The following PIK3CA variants were observed in gnomAD, a reference collection of about 807,000 sequenced individuals.
PIK3CA encodes phosphatidylinositol 4,5-bisphosphate 3-kinase catalytic subunit alpha isoform.
PIK3CA carries 27 observed loss-of-function variants against 138.2 expected under a neutral mutation model. That is an observed-to-expected ratio of 0.20 (90% CI 0.14 to 0.27). The LOEUF is 0.27. Ranked by LOEUF, PIK3CA falls within the 10% of genes least tolerant of loss-of-function variation. The pLI is 1.00. For missense variants in PIK3CA, 544 were observed against 1,277.4 expected (o/e 0.43, Z 8.75); for synonymous variants, 358 against 413.2 (o/e 0.87, Z 1.62).
chr3:179,186,690 G>A (rs565115563), intron 1 of PIK3CA, among the ~76,000 whole-genome samples: 5 of 152,282 alleles, frequency 3.3e-5, no homozygotes, highest in East Asian at 1.9e-4. Flanking sequence ...TATAGGTTTG[G>A]TTATAAACTT....
chr3:179,228,644 A>G (rs1271529536), intron 17 of PIK3CA, among the ~76,000 whole-genome samples: 1 of 152,094 alleles, frequency 6.6e-6, no homozygotes, highest in Non-Finnish European at 1.5e-5. Context: ...GCTGGGTACT[A>G]TGAAGCCAGA....
intron 18 of PIK3CA, 100 bp downstream of exon 18, chr3:179,229,542 T>G (rs192938382): frequency 2.6e-6 from 2 of 775,342 alleles, no homozygotes; most frequent in African/African-American, 3.5e-5. Flanking sequence ...GAGAAAACAA[T>G]TGTACTTTCT....
chr3:179,227,313 T>C (rs900579052), intron 17 of PIK3CA, among the ~76,000 whole-genome samples: 8 of 152,088 alleles, frequency 5.3e-5, no homozygotes, highest in Non-Finnish European at 1.2e-4. Context: ...GCTTCTTTTT[T>C]TTAATAACAA....
intron 1 of PIK3CA, among the ~76,000 whole-genome samples, chr3:179,188,699 TAAG>T (rs1486447613): frequency 1.3e-5 from 2 of 152,174 alleles, no homozygotes; most frequent in Non-Finnish European, 2.9e-5. Flanking sequence ...AATAATTAAA[TAAG>T]AAAAATATTT....
chr3:179,150,170 C>CGTGTGT (rs35995073), intron 1 of PIK3CA, among the ~76,000 whole-genome samples: 7,615 of 147,090 alleles, frequency 0.052, 268 homozygotes, highest in African/African-American at 0.092. Context: ...TGTGTGTTTA[C>CGTGTGT]GTGTGTGTGT....
At chr3:179,150,170 C>CGTGTGTGTGTGT (rs35995073) in intron 1 of PIK3CA, among the ~76,000 whole-genome samples, 2,227 of 147,120 alleles carry the variant, frequency 0.015, 25 homozygotes, top group East Asian at 0.053. Context: ...TGTGTGTTTA[C>CGTGTGTGTGTGT]GTGTGTGTGT....
At chr3:179,217,591 A>C (rs1724866017) in intron 9 of PIK3CA, among the ~76,000 whole-genome samples, 1 of 152,060 alleles carries the variant, frequency 6.6e-6, no homozygotes, top group Non-Finnish European at 1.5e-5. Context: ...ATATGTACTC[A>C]TTATTCATTA....
At chr3:179,157,145 TG>T (rs2108351549) in intron 1 of PIK3CA, among the ~76,000 whole-genome samples, 1 of 152,298 alleles carries the variant, frequency 6.6e-6, no homozygotes, top group South Asian at 2.1e-4. Flanking sequence ...AATTACATTT[TG>T]GAACCCTAAC....
chr3:179,148,767 C>T (rs1430392126), intron 1 of PIK3CA, among the ~76,000 whole-genome samples, 164 bp downstream of exon 1: 1 of 152,128 alleles, frequency 6.6e-6, no homozygotes, highest in Non-Finnish European at 1.5e-5. Context: ...CGCACCCTCT[C>T]CCTCGCCTGC....
At position 179,235,152 on chromosome 3, in the gene PIK3CA, T is replaced by A. The variant is rs564667548; in HGVS notation, c.*788T>A. 1 of 188,036 alleles carries A rather than the reference T, an allele frequency of 5.3e-6. No homozygotes were observed. Among genetic ancestry groups the A allele is most frequent in the African/African-American group, 2.3e-5 (1 of 42,642 alleles). 11.6% of individuals were successfully genotyped at this position (188,036 alleles called of 1,614,324 possible). On this transcript the variant is annotated 3_prime_UTR_variant, in exon 21 of 21. Coordinates refer to ENST00000263967, the MANE Select transcript of PIK3CA (RefSeq NM_006218.4). ...AAAAAAAAAAATCATAGAAAAAGAA[T>A]GAGCAGGAATAGTTCTTATTCCAGA...
intron 7 of PIK3CA, 27 bp downstream of exon 7, chr3:179,209,727 T>C (rs1391835834): frequency 2.9e-6 from 4 of 1,365,292 alleles, no homozygotes; most frequent in East Asian, 4.7e-5. Context: ...GGAACAATTA[T>C]GTTTACCTTT....
intron 9 of PIK3CA, among the ~76,000 whole-genome samples, chr3:179,213,162 A>G (rs1238880746): frequency 6.6e-6 from 1 of 152,204 alleles, no homozygotes; most frequent in East Asian, 1.9e-4. Context: ...CTCTGAGATG[A>G]TAACCTTGAA....
chr3:179,155,409 A>G (rs1723109951), intron 1 of PIK3CA, among the ~76,000 whole-genome samples: 1 of 152,156 alleles, frequency 6.6e-6, no homozygotes, highest in Admixed American at 6.5e-5. Flanking sequence ...TTATTTGATC[A>G]TTTATTGAGC....
At chr3:179,167,784 T>G (rs977357470) in intron 1 of PIK3CA, among the ~76,000 whole-genome samples, 4 of 152,190 alleles carry the variant, frequency 2.6e-5, no homozygotes, top group Non-Finnish European at 4.4e-5. Context: ...TATCTTTTCA[T>G]ATATTCCACA....
chr3:179,205,226 A>T (rs1724529627), intron 6 of PIK3CA, among the ~76,000 whole-genome samples: 1 of 152,050 alleles, frequency 6.6e-6, no homozygotes, highest in African/African-American at 2.4e-5. Context: ...TATATTTTAC[A>T]TCATTAGCTT....
intron 1 of PIK3CA, among the ~76,000 whole-genome samples, chr3:179,158,079 G>A (rs115257475): frequency 1.3e-5 from 2 of 152,222 alleles, no homozygotes; most frequent in African/African-American, 2.4e-5. Flanking sequence ...ATTATGAAGT[G>A]AATTGAATTC....
intron 6 of PIK3CA, among the ~76,000 whole-genome samples, chr3:179,205,652 T>C (rs961453750): frequency 1.3e-5 from 2 of 152,228 alleles, no homozygotes; most frequent in Admixed American, 6.5e-5. Context: ...ACATTTTAAA[T>C]TATTACTGCC....
intron 4 of PIK3CA, among the ~76,000 whole-genome samples, chr3:179,201,994 G>A (rs948863369): frequency 3.3e-5 from 5 of 152,002 alleles, no homozygotes; most frequent in Admixed American, 6.6e-5. Flanking sequence ...TGATTAATTC[G>A]AGAGGCTGAA....
chr3:179,182,228 T>C (rs941435232), intron 1 of PIK3CA, among the ~76,000 whole-genome samples: 20 of 152,228 alleles, frequency 1.3e-4, no homozygotes, highest in African/African-American at 4.6e-4. Flanking sequence ...TAATGACTTA[T>C]GTTAAATAGC....
Sources: gnomAD v4.1 joint callset for allele counts (sites outside exome capture counted in the v4.1 genomes callset) on GRCh38, gnomAD v4.1.1 for gene constraint, MANE v1.5 for transcripts, NCBI Gene and HGNC (gene_info 2026-07-23, HGNC 2026-07-21) for gene names.